CPLX4: variants seen among roughly 807,000 people sequenced by gnomAD.
CPLX4 encodes complexin-4.
A neutral mutation model predicts 16.1 loss-of-function variants in CPLX4; 17 were observed. That is an observed-to-expected ratio of 1.06 (90% CI 0.72 to 1.59). The LOEUF is 1.59. Among genes scored for constraint, CPLX4 ranks in the 40% most tolerant of loss-of-function variants. The pLI, the probability that CPLX4 is intolerant of heterozygous loss-of-function variation, is 0.00. For synonymous variants in CPLX4, 55 were observed against 57.8 expected (o/e 0.95, Z 0.22); for missense variants, 193 against 192.9 (o/e 1.00, Z 0.00).
intron 2 of CPLX4, among the ~76,000 whole-genome samples, chr18:59,305,380 C>A (rs1198968672): frequency 7.7e-6 from 1 of 129,094 alleles, no homozygotes; most frequent in Admixed American, 7.8e-5. Context: ...AACAAACAAA[C>A]AAAAAACAGG....
chr18:59,312,649 A>C (rs1395193984), intron 2 of CPLX4, 36 bp downstream of exon 2: 2 of 864,996 alleles, frequency 2.3e-6, no homozygotes, highest in Non-Finnish European at 3.9e-6. Flanking sequence ...TTTATCATTA[A>C]TTAAGAAATG....
chr18:59,315,763 C>T (rs1439341472), intron 1 of CPLX4, among the ~76,000 whole-genome samples: 1 of 152,060 alleles, frequency 6.6e-6, no homozygotes, highest in Non-Finnish European at 1.5e-5. Context: ...TGTTTAGCAC[C>T]ATTTGTTGAA....
Position 59,312,762 on chromosome 18 carries a change from C to G in CPLX4, c.178G>C (p.Asp60His), listed in dbSNP as rs772304978. The stretch of plus-strand genomic sequence containing the variant: ...GCCTTTTTCTGTGTAAATGCAGCAT[C>G]TCTTTCCATCCTAAAAGTTAAAGAA... ...KQMIEEKMERDAAFTQKKAER... is the reference protein window; with the variant it reads ...KQMIEEKMERHAAFTQKKAER... Residue 60 changes from aspartate to histidine, a missense_variant, in exon 2 of 3, where the codon GAT becomes CAT. Asp to His is a moderately conservative substitution (Grantham distance 81, BLOSUM62 -1). Transcript: ENST00000299721. The G allele has an allele frequency of 7.5e-7, 1 of 1,331,614 alleles. No individual in the cohort carries two copies. The highest frequency in any genetic ancestry group is 1.1e-6 in the Non-Finnish European group (1 of 922,938). The allele number at this position is 1,331,614 out of a possible 1,614,324, so 82.5% of individuals were successfully genotyped here.
chr18:59,318,504 G>A lies in CPLX4; in HGVS notation c.-42C>T. On this transcript the variant is annotated 5_prime_UTR_variant, in exon 1 of 3. Coordinates refer to ENST00000299721, the MANE Select transcript of CPLX4 (RefSeq NM_181654.4). ...AAATAAAACCAAAATTCAGACAAAAGCTGAAAAAAAAAATCCAAACAAACC... is the reference window on the plus strand; with the variant it reads ...AAATAAAACCAAAATTCAGACAAAAACTGAAAAAAAAAATCCAAACAAACC... 10 of 1,552,832 alleles carry A rather than the reference G, an allele frequency of 6.4e-6. No individual in the cohort carries two copies. Among genetic ancestry groups the A allele is most frequent in the African/African-American group, 1.4e-5 (1 of 70,574 alleles).
intron 1 of CPLX4, among the ~76,000 whole-genome samples, chr18:59,315,079 T>C (rs564577121): frequency 6.6e-6 from 1 of 152,308 alleles, no homozygotes; most frequent in South Asian, 2.1e-4. Flanking sequence ...ATGCATTTAG[T>C]TTTATAAGAA....
At chr18:59,312,428 A>ATG (rs986830282) in intron 2 of CPLX4, among the ~76,000 whole-genome samples, 39 of 135,478 alleles carry the variant, frequency 2.9e-4, no homozygotes, top group East Asian at 2.6e-3. Context: ...TATCCTGAAT[A>ATG]TGTGTGTGTG....
intron 2 of CPLX4, among the ~76,000 whole-genome samples, chr18:59,303,646 G>A (rs184885230): frequency 1.4e-4 from 22 of 152,238 alleles, no homozygotes; most frequent in South Asian, 4.2e-4. Flanking sequence ...CTGAGCAGGC[G>A]TTCTCATCTG....
At chr18:59,310,947 C>T (rs1333359810) in intron 2 of CPLX4, among the ~76,000 whole-genome samples, 2 of 143,540 alleles carry the variant, frequency 1.4e-5, no homozygotes, top group Admixed American at 1.4e-4. Flanking sequence ...CCCAGCCAAT[C>T]GTGTGTGTGT....
At chr18:59,317,086 C>CATA (rs2070655971) in intron 1 of CPLX4, among the ~76,000 whole-genome samples, 3 of 152,088 alleles carry the variant, frequency 2.0e-5, no homozygotes, top group African/African-American at 7.2e-5. Flanking sequence ...CAGAACCAAG[C>CATA]ATAATGTATT....
At chr18:59,302,063 A>G (rs961165852) in intron 2 of CPLX4, among the ~76,000 whole-genome samples, 1 of 152,190 alleles carries the variant, frequency 6.6e-6, no homozygotes, top group Non-Finnish European at 1.5e-5. Flanking sequence ...GTGGGAGAGT[A>G]TCGGCCCTTA....
chr18:59,315,849 T>C (rs1444850161), intron 1 of CPLX4, among the ~76,000 whole-genome samples: 1 of 152,198 alleles, frequency 6.6e-6, no homozygotes, highest in Non-Finnish European at 1.5e-5. Flanking sequence ...CATTGATCGA[T>C]TTGTTGATAC....
intron 2 of CPLX4, among the ~76,000 whole-genome samples, chr18:59,300,467 T>A (rs776692180): frequency 6.6e-6 from 1 of 152,214 alleles, no homozygotes. Context: ...AGCTCTGTTT[T>A]CGTAGCTATC....
In CPLX4 at chr18:59,312,716, AC is replaced by A; in HGVS notation, c.223del (p.Val75PhefsTer36). 1 of 1,444,828 alleles carries A rather than the reference AC, an allele frequency of 6.9e-7. No homozygotes were observed. The highest frequency in any genetic ancestry group is 9.7e-7 in the Non-Finnish European group (1 of 1,025,814). The allele number at this position is 1,444,828 out of a possible 1,614,324, so 89.5% of individuals were successfully genotyped here. A position where few individuals can be genotyped will look rare whatever the true frequency, so the allele number is the denominator to read the frequency against. ...GAGCCTGTATTTTTCTCTGAGATGA[AC>A]TCTGAGGCATGCCCTTTCTGCCTTT... ...QKKAERACLR[V>X]HLREKYRLPK... On this transcript the variant is annotated frameshift_variant, in exon 2 of 3. Coordinates refer to ENST00000299721, the MANE Select transcript of CPLX4 (RefSeq NM_181654.4). LOFTEE classifies it high-confidence loss of function.
In CPLX4 at chr18:59,312,677, T is replaced by G. The variant is rs2070625705; in HGVS notation, c.255+8A>C. The G allele has an allele frequency of 1.8e-6, 2 of 1,089,256 alleles. No homozygotes were observed. The highest frequency in any genetic ancestry group is 2.9e-6 in the Non-Finnish European group (2 of 701,166). 67.5% of individuals were successfully genotyped at this position (1,089,256 alleles called of 1,614,324 possible). A position where few individuals can be genotyped will look rare whatever the true frequency, so the allele number is the denominator to read the frequency against. On this transcript the variant is annotated splice_region_variant and intron_variant, in intron 2 of 2. Transcript: ENST00000299721. Reference sequence around the variant, plus strand: ...AAGAAATGATTAGATGTTTCCAGAGTGTCTTACCTTTGGGAGCCTGTATTT... The same window carrying G: ...AAGAAATGATTAGATGTTTCCAGAGGGTCTTACCTTTGGGAGCCTGTATTT...
Position 59,310,428 on chromosome 18 carries a change from C to T in CPLX4, c.255+2257G>A, listed in dbSNP as rs532484186. 1.3e-3 allele frequency among the ~76,000 whole-genome samples: 193 copies of T among 152,314 alleles called. 1 individual carries two copies. The highest frequency in any genetic ancestry group is 3.0e-3 in the Admixed American group (46 of 15,300). On this transcript the variant is annotated intron_variant, in intron 2 of 2. Transcript: ENST00000299721. ...TTCTTGGAAGAGTACTTAAACCTTA[C>T]TGCTAAGCCTAAGGGTGTTCACCCC...
intron 1 of CPLX4, among the ~76,000 whole-genome samples, chr18:59,317,933 T>C (rs575727690): frequency 6.6e-6 from 1 of 152,176 alleles, no homozygotes; most frequent in African/African-American, 2.4e-5. Context: ...TTCTACGTGC[T>C]AAGAGGGTGA....
At chr18:59,314,379 T>G (rs1194700221) in intron 1 of CPLX4, among the ~76,000 whole-genome samples, 1 of 152,180 alleles carries the variant, frequency 6.6e-6, no homozygotes, top group South Asian at 2.1e-4. Flanking sequence ...ATTCCTCTCT[T>G]TATCCACATT....
At position 59,296,897 on chromosome 18, in the gene CPLX4, A is replaced by T. The variant is rs374586330; in HGVS notation, c.284T>A (p.Met95Lys). ...KSEMDENQIQ[M>K]AGDDVDLPED... is the part of the protein sequence containing the mutation. ...AGGTAAATCCACATCATCTCCAGCC[A>T]TCTGGATTTGATTCTCATCCATTTC... Residue 95 changes from methionine to lysine, a missense_variant, in exon 3 of 3, where the codon ATG becomes AAG. Met to Lys is a moderately conservative substitution (Grantham distance 95, BLOSUM62 -1). Coordinates refer to ENST00000299721, the MANE Select transcript of CPLX4 (RefSeq NM_181654.4). The T allele has an allele frequency of 8.1e-6, 13 of 1,611,816 alleles. No homozygotes were observed. Among genetic ancestry groups the T allele is most frequent in the Non-Finnish European group, 1.1e-5 (13 of 1,179,700 alleles).
intron 1 of CPLX4, among the ~76,000 whole-genome samples, chr18:59,315,048 G>T (rs2070642988): frequency 6.6e-6 from 1 of 151,802 alleles, no homozygotes. Flanking sequence ...AATTTGCTGG[G>T]TTCTACGGTA....
Sources: allele counts gnomAD v4.1 joint callset (sites outside exome capture counted in the v4.1 genomes callset), GRCh38; gene constraint gnomAD v4.1.1; transcripts MANE v1.5; gene names NCBI Gene and HGNC (gene_info 2026-07-23, HGNC 2026-07-21).